The following RRP1B variants were observed in gnomAD, a reference collection of about 807,000 sequenced individuals.
The protein encoded by RRP1B is ribosomal RNA processing 1B.
RRP1B carries 56 observed loss-of-function variants against 80.2 expected under a neutral mutation model. The observed-to-expected ratio is 0.70, with a 90% CI of 0.56 to 0.87. The LOEUF is 0.87. Among genes scored for constraint, RRP1B ranks in the 40% least tolerant of loss-of-function variants. RRP1B has a pLI of 0.00. For missense variants in RRP1B, 807 were observed against 939.8 expected (o/e 0.86, Z 1.85); for synonymous variants, 351 against 357.6 (o/e 0.98, Z 0.21).
Position 43,676,759 on chromosome 21 carries a change from G to T in RRP1B, c.641G>T (p.Arg214Leu), listed in dbSNP as rs1313799906. 1 of 1,614,186 alleles carries T rather than the reference G, an allele frequency of 6.2e-7. No individual in the cohort carries two copies. The highest frequency in any genetic ancestry group is 8.5e-7 in the Non-Finnish European group (1 of 1,180,040). ...CACACCCTGGTACAGACCATAGCTC[G>T]GGGTGTCTTCGAAGCTATCGTAGAT... ...KDHTLVQTIA[R>L]GVFEAIVDQS... is the part of the protein sequence containing the mutation. The change falls in exon 8 of 16, where the codon CGG becomes CTG. Residue 214 changes from arginine to leucine, a missense_variant. By Grantham distance (102) the Arg-to-Leu change is moderately radical. Transcript: ENST00000340648.
chr21:43,675,275 C>G lies in RRP1B; in HGVS notation c.549+112C>G. The G allele has an allele frequency of 5.1e-6, 5 of 978,240 alleles. No homozygotes were observed. The South Asian group carries it at 6.1e-5, about 12-fold the overall frequency. The allele number at this position is 978,240 out of a possible 1,614,324, so 60.6% of individuals were successfully genotyped here. On this transcript the variant is annotated intron_variant, in intron 6 of 15. Transcript: ENST00000340648. ...TTCGCATGACCAGCGACTGTAGCAG[C>G]GTGAATTGCTTCAGTCCTGTCTGGG...
chr21:43,688,144 A>G lies in RRP1B; in HGVS notation c.1770A>G (p.Thr590=). ...LELCGLPSQK[T]ASLKKRKKMR... ...TCTGTGGCCTGCCCAGCCAGAAAACAGCAAGTTTGAAAAAGAGGAAGAAAA... is the reference window on the plus strand; with the variant it reads ...TCTGTGGCCTGCCCAGCCAGAAAACGGCAAGTTTGAAAAAGAGGAAGAAAA... Residue 590 remains threonine (T), a synonymous_variant, in exon 13 of 16, where the codon ACA becomes ACG. Coordinates refer to ENST00000340648, the MANE Select transcript of RRP1B (RefSeq NM_015056.3). 1.3e-6 allele frequency: 2 copies of G among 1,584,032 alleles called. No individual in the cohort carries two copies. Among genetic ancestry groups the G allele is most frequent in the Non-Finnish European group, 1.7e-6 (2 of 1,164,604 alleles).
chr21:43,688,037 G>A lies in RRP1B; in HGVS notation c.1663G>A (p.Ala555Thr), dbSNP rs1177484055. ...GCAGGAAGGCCCTCCCACAGGCCCC[G>A]CAGAGGGGGCGAACAGCCACACCAC... ...LQQEGPPTGPAEGANSHTTLP... is the reference protein window; with the variant it reads ...LQQEGPPTGPTEGANSHTTLP... The change falls in exon 13 of 16, where the codon GCA becomes ACA. Residue 555 changes from alanine to threonine, a missense_variant. Coordinates refer to ENST00000340648, the MANE Select transcript of RRP1B (RefSeq NM_015056.3). 40 of 1,611,876 alleles carry A rather than the reference G, an allele frequency of 2.5e-5. No individual in the cohort carries two copies. The highest frequency in any genetic ancestry group is 1.6e-4 in the Middle Eastern group (1 of 6,072).
intron 8 of RRP1B, among the ~76,000 whole-genome samples, chr21:43,680,092 T>G (rs1163657941): frequency 6.6e-6 from 1 of 152,118 alleles, no homozygotes; most frequent in Admixed American, 6.5e-5. Flanking sequence ...GCTTTTTGGG[T>G]GAGTGTTTAG....
At chr21:43,676,399 G>A (rs1052359500) in intron 7 of RRP1B, 63 bp downstream of exon 7, 18 of 1,290,272 alleles carry the variant, frequency 1.4e-5, no homozygotes, top group South Asian at 8.7e-5. Context: ...GTTACTTGCC[G>A]TCGTGCAGCC....
chr21:43,688,245 G>C lies in RRP1B; in HGVS notation c.1866+5G>C, dbSNP rs763618761. On this transcript the variant is annotated splice_donor_5th_base_variant and intron_variant, in intron 13 of 15. Coordinates refer to ENST00000340648, the MANE Select transcript of RRP1B (RefSeq NM_015056.3). ...GCTGGGCAACCCCAGGCTCTGGTAA[G>C]GTGGGAGCACCCACAGGCCAGCTCG... is the stretch of plus-strand genomic sequence containing the variant. 4.6e-6 allele frequency: 7 copies of C among 1,531,454 alleles called. No homozygotes were observed. The Admixed American group carries it at 1.0e-4, about 22-fold the overall frequency. The allele number at this position is 1,531,454 out of a possible 1,614,324, so 94.9% of individuals were successfully genotyped here.
rs984516079 is a variant in RRP1B, at chr21:43,693,682, G to A, written c.*299G>A. ...ATGAGACCCTCTCTGAAGCTGAGGA[G>A]AGCACGTTGATCTGAACTTTAAATC... is the stretch of plus-strand genomic sequence containing the variant. On this transcript the variant is annotated 3_prime_UTR_variant, in exon 16 of 16. Transcript: ENST00000340648. The surrounding 1 kb of genome is among the most constrained non-coding windows in gnomAD (Gnocchi z 4.1). The A allele has an allele frequency of 1.9e-5, 6 of 310,304 alleles. No homozygotes were observed. Among genetic ancestry groups the A allele is most frequent in the Admixed American group, 5.2e-5 (1 of 19,054 alleles). The allele number at this position is 310,304 out of a possible 1,614,324, so 19.2% of individuals were successfully genotyped here. A position where few individuals can be genotyped will look rare whatever the true frequency, so the allele number is the denominator to read the frequency against.
chr21:43,683,559 G>A (rs765258373), intron 9 of RRP1B, among the ~76,000 whole-genome samples, 186 bp downstream of exon 9: 2 of 152,136 alleles, frequency 1.3e-5, no homozygotes, highest in African/African-American at 2.4e-5. Flanking sequence ...TAAATATGAT[G>A]GAGTTTTGAA....
chr21:43,684,600 G>A lies in RRP1B; in HGVS notation c.939G>A (p.Arg313=), dbSNP rs2083056416. 6.2e-7 allele frequency: 1 copy of A among 1,614,134 alleles called. No homozygotes were observed. Among genetic ancestry groups the A allele is most frequent in the Non-Finnish European group, 8.5e-7 (1 of 1,180,024 alleles). Residue 313 remains arginine (R), a synonymous_variant, in exon 10 of 16, where the codon AGG becomes AGA. Transcript: ENST00000340648. ...ATCGACTCCTGGAAATGACCAGCAG[G>A]AAGAACACGCCCCACTTCAACAGGA... ...VADRLLEMTS[R]KNTPHFNRKR... is the part of the protein sequence containing the mutation.
At position 43,660,774 on chromosome 21, in the gene RRP1B, T is replaced by TG. The variant is rs566192777; in HGVS notation, c.130+987dup. Among the ~76,000 whole-genome samples the TG allele has an allele frequency of 1.6e-3, 247 of 152,004 alleles. 2 individuals are homozygous for TG. Among genetic ancestry groups the TG allele is most frequent in the African/African-American group, 5.5e-3 (230 of 41,460 alleles). Reference sequence around the variant, plus strand: ...GTTTGAAAGACCAATAAGTTGGGGTTGGGGGGGCGAGTGTTATGAGATGAA... The same window carrying TG: ...GTTTGAAAGACCAATAAGTTGGGGTTGGGGGGGGCGAGTGTTATGAGATGAA... On this transcript the variant is annotated intron_variant, in intron 1 of 15. Coordinates refer to ENST00000340648, the MANE Select transcript of RRP1B (RefSeq NM_015056.3).
chr21:43,685,747 AT>A (rs1555879897), intron 10 of RRP1B, 22 bp from the exon 11 acceptor site: 1 of 1,454,370 alleles, frequency 6.9e-7, no homozygotes, highest in Non-Finnish European at 9.2e-7. Flanking sequence ...TTTATTTTTT[AT>A]TTTTTATTTT....
chr21:43,660,018 A>T (rs2082943777), intron 1 of RRP1B, among the ~76,000 whole-genome samples: 1 of 152,212 alleles, frequency 6.6e-6, no homozygotes. Flanking sequence ...AAGTCACAGT[A>T]AGCGGGGAAG....
chr21:43,667,665 A>G (rs945753638), intron 1 of RRP1B, among the ~76,000 whole-genome samples: 2 of 152,116 alleles, frequency 1.3e-5, no homozygotes, highest in Admixed American at 1.3e-4. Flanking sequence ...AGTGCAGGTC[A>G]CTGTGGCCAA....
intron 8 of RRP1B, among the ~76,000 whole-genome samples, chr21:43,679,142 T>C (rs1340182779): frequency 6.6e-6 from 1 of 152,192 alleles, no homozygotes; most frequent in Non-Finnish European, 1.5e-5. Context: ...TACCATGCCA[T>C]TATGGTGACT....
At position 43,691,899 on chromosome 21, in the gene RRP1B, G is replaced by A. The variant is rs996254658; in HGVS notation, c.2083+397G>A. Among the ~76,000 whole-genome samples the A allele has an allele frequency of 4.0e-5, 6 of 151,770 alleles. No individual in the cohort carries two copies. Among genetic ancestry groups the A allele is most frequent in the Admixed American group, 1.3e-4 (2 of 15,230 alleles). ...TGACCTCAGGTGATCTGCCTGCCTCGGCCTCCCAAAGATCTGGGATTACAA... is the reference window on the plus strand; with the variant it reads ...TGACCTCAGGTGATCTGCCTGCCTCAGCCTCCCAAAGATCTGGGATTACAA... On this transcript the variant is annotated intron_variant, in intron 15 of 15. Transcript: ENST00000340648. The surrounding 1 kb of genome is among the most constrained non-coding windows in gnomAD (Gnocchi z 4.2).
chr21:43,686,097 G>A, intron 11 of RRP1B: 1 of 222,714 alleles, frequency 4.5e-6, no homozygotes, highest in Non-Finnish European at 8.7e-6. Flanking sequence ...CTCCAGCCTG[G>A]GTGACACAAC....
intron 1 of RRP1B, among the ~76,000 whole-genome samples, chr21:43,663,328 C>T (rs536880466): frequency 9.9e-5 from 15 of 152,164 alleles, no homozygotes; most frequent in Non-Finnish European, 1.8e-4. Flanking sequence ...TGCAACAGCG[C>T]GATCTCTGCT....
intron 1 of RRP1B, among the ~76,000 whole-genome samples, chr21:43,660,062 G>T (rs1160888039): frequency 6.6e-6 from 1 of 152,232 alleles, no homozygotes; most frequent in African/African-American, 2.4e-5. Context: ...CGATTCCCCA[G>T]CCGGCATCTC....
Position 43,675,166 on chromosome 21 carries a change from A to G in RRP1B, c.549+3A>G. The G allele has an allele frequency of 1.2e-6, 2 of 1,613,644 alleles. No individual in the cohort carries two copies. Among genetic ancestry groups the G allele is most frequent in the Non-Finnish European group, 1.7e-6 (2 of 1,179,940 alleles). ...TCTCCAAAGTCGGGGGGAAGGAGGT[A>G]AGCAGCTGCCGACAGGCTGCCCACG... On this transcript the variant is annotated splice_donor_region_variant and intron_variant, in intron 6 of 15. Transcript: ENST00000340648.
Sources: allele counts gnomAD v4.1 joint callset (sites outside exome capture counted in the v4.1 genomes callset), GRCh38; gene constraint gnomAD v4.1.1; non-coding constraint Gnocchi (gnomAD v3.1); transcripts MANE v1.5; gene names NCBI Gene and HGNC (gene_info 2026-07-23, HGNC 2026-07-21).